SNX8: variants seen among roughly 807,000 people sequenced by gnomAD.
SNX8 encodes sorting nexin-8.
A neutral mutation model predicts 51.6 loss-of-function variants in SNX8; 25 were observed. The observed-to-expected ratio is 0.48, with a 90% confidence interval of 0.35 to 0.68. The LOEUF (loss-of-function observed/expected upper bound fraction) is 0.68. Ranked by LOEUF, SNX8 falls within the 30% of genes least tolerant of loss-of-function variation. The pLI, the probability that SNX8 is intolerant of heterozygous loss-of-function variation, is 0.00. For missense variants in SNX8, 695 were observed against 624.0 expected (o/e 1.11, Z -1.21); for synonymous variants, 324 against 277.0 (o/e 1.17, Z -1.68).
chr7:2,295,447 G>A (rs1355742032), intron 1 of SNX8, among the ~76,000 whole-genome samples: 5 of 149,570 alleles, frequency 3.3e-5, no homozygotes, highest in Admixed American at 6.7e-5. Flanking sequence ...GCACACACCT[G>A]TAATCTCAGC....
intron 1 of SNX8, among the ~76,000 whole-genome samples, chr7:2,310,777 A>G (rs1024690687): frequency 1.4e-4 from 22 of 152,308 alleles, no homozygotes; most frequent in Admixed American, 1.0e-3. Flanking sequence ...TCTCAAAAAA[A>G]TAAATAAATA....
rs1345465302 is a variant in SNX8 at position 2,335,801 on chromosome 7, T to C, written c.-66+18421A>G. Among the ~76,000 whole-genome samples, 10 of 51,226 alleles carry C rather than the reference T, an allele frequency of 2.0e-4. No homozygotes were observed. The Admixed American group carries it at 3.0e-3, about 15-fold the overall frequency. The allele number at this position is 51,226 out of a possible 152,430, so 33.6% of individuals were successfully genotyped here. A position where few individuals can be genotyped will look rare whatever the true frequency, so the allele number is the denominator to read the frequency against. On this transcript the variant is annotated intron_variant, in intron 1 of 5. Coordinates refer to the SNX8 transcript ENST00000435336. ...CTGGGCGACAGAGCGAGACTCTGTC[T>C]CAAAAAAAAAAAAAAAAAAAAAAAA...
intron 1 of SNX8, among the ~76,000 whole-genome samples, chr7:2,332,744 A>AAGGAAGGAAGGAAGGAAGGG (rs954705319): frequency 2.7e-5 from 1 of 37,120 alleles, no homozygotes; most frequent in African/African-American, 5.7e-5. Context: ...AGAGAGAGAA[A>AAGGAAGGAAGGAAGGAAGGG]AGGAAGGAAG....
At chr7:2,312,712 G>C (rs939534009) in intron 1 of SNX8, among the ~76,000 whole-genome samples, 1 of 151,656 alleles carries the variant, frequency 6.6e-6, no homozygotes, top group Non-Finnish European at 1.5e-5. Context: ...CCTCCTCAGC[G>C]ACACCTTGCC....
rs746115190 is a variant in SNX8 at position 2,278,095 on chromosome 7, G to T, written c.300+5C>A. On this transcript the variant is annotated splice_donor_5th_base_variant and intron_variant, in intron 2 of 10. Transcript: ENST00000222990. ...GCCCCGACACACACACAATTTGCCA[G>T]TTACCTGGCTGGAAACCTCATACTC... The T allele has an allele frequency of 6.8e-6, 11 of 1,611,888 alleles. No homozygotes were observed. In the Admixed American group the frequency reaches 1.7e-4, roughly 24 times the overall value.
intron 1 of SNX8, among the ~76,000 whole-genome samples, chr7:2,345,893 C>T (rs1779013654): frequency 6.6e-6 from 1 of 151,936 alleles, no homozygotes; most frequent in South Asian, 2.1e-4. Context: ...CTGCAACTTC[C>T]ACCTCCTGGG....
At chr7:2,259,319 GGTCCCCACAGCTCACGCCCTCA>G (rs767404442) in intron 7 of SNX8, among the ~76,000 whole-genome samples, 14 of 152,188 alleles carry the variant, frequency 9.2e-5, no homozygotes, top group African/African-American at 1.7e-4. Flanking sequence ...GAAGGGCTCC[GGTCCCCACAGCTCACGCCCTCA>G]GTCCCCACAG....
chr7:2,285,819 A>T (rs1208404403), intron 1 of SNX8, among the ~76,000 whole-genome samples: 1 of 152,024 alleles, frequency 6.6e-6, no homozygotes, highest in Admixed American at 6.6e-5. Context: ...AATGTAGTAC[A>T]CGTGTGCACC....
intron 1 of SNX8, among the ~76,000 whole-genome samples, chr7:2,297,691 T>C (rs1796304030): frequency 6.6e-6 from 1 of 151,408 alleles, no homozygotes; most frequent in Non-Finnish European, 1.5e-5. Flanking sequence ...ATATACATCA[T>C]GGAATTCTAC....
intron 1 of SNX8, among the ~76,000 whole-genome samples, chr7:2,291,716 C>T (rs184392756): frequency 5.3e-5 from 8 of 152,318 alleles, no homozygotes; most frequent in African/African-American, 1.7e-4. Context: ...AGTTCAAACC[C>T]CACTTCAACA....
At chr7:2,290,299 G>A (rs1360552115) in intron 1 of SNX8, among the ~76,000 whole-genome samples, 2 of 152,074 alleles carry the variant, frequency 1.3e-5, no homozygotes, top group Non-Finnish European at 2.9e-5. Context: ...CCTGGAGTTC[G>A]AGACCAGCCA....
At chr7:2,352,676 T>C (rs1779174571) in intron 1 of SNX8, among the ~76,000 whole-genome samples, 1 of 151,094 alleles carries the variant, frequency 6.6e-6, no homozygotes, top group South Asian at 2.1e-4. Context: ...ACTAAAAAAA[T>C]ACAAAAAAAA....
Position 2,313,690 on chromosome 7 carries a change from C to A in SNX8, c.94+638G>T, listed in dbSNP as rs1562453964. Among the ~76,000 whole-genome samples the A allele has an allele frequency of 2.6e-5, 4 of 151,650 alleles. 1 individual carries two copies. The East Asian group carries it at 7.8e-4, about 29-fold the overall frequency. ...CCAGCCTGGACAACATAGCAAGATCCCATCTCTACAAAAATAAAAAAAATT... is the reference window on the plus strand; with the variant it reads ...CCAGCCTGGACAACATAGCAAGATCACATCTCTACAAAAATAAAAAAAATT... On this transcript the variant is annotated intron_variant, in intron 1 of 10. Coordinates refer to ENST00000222990, the MANE Select transcript of SNX8 (RefSeq NM_013321.4).
chr7:2,310,860 G>C lies in SNX8; in HGVS notation c.94+3468C>G, dbSNP rs543473629. On this transcript the variant is annotated intron_variant, in intron 1 of 10. Transcript: ENST00000222990. ...AACATGAGCACACTTATATAAGGAAGTATATGTTTCCTGAGTACATATATG... is the reference window on the plus strand; with the variant it reads ...AACATGAGCACACTTATATAAGGAACTATATGTTTCCTGAGTACATATATG... Among the ~76,000 whole-genome samples the C allele has an allele frequency of 5.2e-4, 79 of 152,266 alleles. No homozygotes were observed. The South Asian group carries it at 0.016, about 32-fold the overall frequency.
chr7:2,263,108 A>G, intron 7 of SNX8, 122 bp downstream of exon 7: 1 of 1,152,468 alleles, frequency 8.7e-7, no homozygotes, highest in Non-Finnish European at 1.2e-6. Context: ...ACAGAGGGAG[A>G]CTCCTTCTCA....
chr7:2,301,180 G>A (rs1796383128), intron 1 of SNX8, among the ~76,000 whole-genome samples: 1 of 152,210 alleles, frequency 6.6e-6, no homozygotes, highest in African/African-American at 2.4e-5. Flanking sequence ...ACCATCTGAA[G>A]AGGGAAAGCT....
Position 2,332,138 on chromosome 7 carries a change from C to T in SNX8, c.-66+22084G>A, listed in dbSNP as rs141557104. Among the ~76,000 whole-genome samples the T allele has an allele frequency of 3.1e-3, 463 of 148,914 alleles. 2 individuals carry two copies. Among genetic ancestry groups the T allele is most frequent in the African/African-American group, 0.01 (424 of 40,458 alleles). On this transcript the variant is annotated intron_variant, in intron 1 of 5. Transcript: ENST00000435336. ...GGGAGGATCGCTTGAGCCTCGGAAG[C>T]AAAGGTTGCAGTGAACCAAGATCAC...
chr7:2,328,965 A>G lies in SNX8; in HGVS notation c.-66+25257T>C, dbSNP rs529564343. Among the ~76,000 whole-genome samples, 10 of 152,218 alleles carry G rather than the reference A, an allele frequency of 6.6e-5. No homozygotes were observed. The South Asian group carries it at 2.1e-3, about 32-fold the overall frequency. ...GCCGGGCGTGTTGGCGGGTGCCTGT[A>G]GTCCCAGCTATTCGGGAGGCTGAGG... On this transcript the variant is annotated intron_variant, in intron 1 of 5. Transcript: ENST00000435336.
At chr7:2,275,358 A>C in intron 2 of SNX8, 129 bp from the exon 3 acceptor site, 2 of 711,734 alleles carry the variant, frequency 2.8e-6, no homozygotes, top group Non-Finnish European at 5.1e-6. Context: ...TACTAAATGG[A>C]GAAACCCTGT....
Sources: gnomAD v4.1 joint callset for allele counts (sites outside exome capture counted in the v4.1 genomes callset) on GRCh38, gnomAD v4.1.1 for gene constraint, MANE v1.5 for transcripts, NCBI Gene and HGNC (gene_info 2026-07-23, HGNC 2026-07-21) for gene names.